Variants in ABCA13 observed in about 807,000 individuals in gnomAD.
The protein encoded by ABCA13 is ATP binding cassette subfamily A member 13, also known as ATP-binding cassette sub-family A member 13.
Under a neutral mutation model 478.7 loss-of-function variants are expected in ABCA13, and 476 were observed. The observed-to-expected ratio is 0.99, with a 90% CI of 0.92 to 1.07. The LOEUF is 1.07. Among genes scored for constraint, ABCA13 ranks in the 50% least tolerant of loss-of-function variants. The pLI, the probability that ABCA13 is intolerant of heterozygous loss-of-function variation, is 0.00. For missense variants in ABCA13, 6,060 were observed against 5,910.6 expected (o/e 1.03, Z -0.83); for synonymous variants, 2,252 against 2,158.9 (o/e 1.04, Z -1.20).
At chr7:48,578,777 A>T (rs1012530879) in intron 55 of ABCA13, among the ~76,000 whole-genome samples, 1 of 152,212 alleles carries the variant, frequency 6.6e-6, no homozygotes, top group Non-Finnish European at 1.5e-5. Flanking sequence ...GAAGACTGAC[A>T]TTACCTGACT....
At chr7:48,632,531 T>A (rs765446786) in intron 59 of ABCA13, among the ~76,000 whole-genome samples, 4 of 152,198 alleles carry the variant, frequency 2.6e-5, no homozygotes, top group Non-Finnish European at 5.9e-5. Context: ...TTTTTCTAAA[T>A]GTTTTATAGT....
chr7:48,210,752 G>T (rs1173413743), intron 3 of ABCA13, among the ~76,000 whole-genome samples: 4 of 151,666 alleles, frequency 2.6e-5, no homozygotes, highest in Non-Finnish European at 5.9e-5. Context: ...TTATTTTGTG[G>T]CCTAATATAT....
At chr7:48,407,028 A>G (rs950604975) in intron 39 of ABCA13, among the ~76,000 whole-genome samples, 3 of 152,170 alleles carry the variant, frequency 2.0e-5, no homozygotes, top group African/African-American at 7.2e-5. Context: ...TTGGAAGTTT[A>G]TTCATTTATT....
intron 36 of ABCA13, 90 bp downstream of exon 36, chr7:48,388,049 CAAGTGTGTG>C: frequency 1.5e-6 from 2 of 1,371,846 alleles, no homozygotes; most frequent in Non-Finnish European, 2.0e-6. Context: ...CCAGCCTTTT[CAAGTGTGTG>C]CTGATTCCTA....
At chr7:48,377,823 A>T (rs1813740325) in intron 35 of ABCA13, among the ~76,000 whole-genome samples, 1 of 152,260 alleles carries the variant, frequency 6.6e-6, no homozygotes, top group Non-Finnish European at 1.5e-5. Flanking sequence ...GCAATTGACT[A>T]TTGAGAAGAA....
Position 48,298,347 on chromosome 7 carries a change from T to C in ABCA13, c.9200-19T>C. On this transcript the variant is annotated intron_variant, in intron 22 of 61. Coordinates refer to ENST00000435803, the MANE Select transcript of ABCA13 (RefSeq NM_152701.5). ...CTAAACCTTTATTACACAAATTTCT[T>C]ATTTTCCTTACTTTGCAGATGTAAA... The C allele has an allele frequency of 6.3e-7, 1 of 1,592,648 alleles. No individual in the cohort carries two copies. The highest frequency in any genetic ancestry group is 1.1e-5 in the South Asian group (1 of 87,276).
At chr7:48,549,151 C>T (rs1312082488) in intron 55 of ABCA13, among the ~76,000 whole-genome samples, 2 of 151,694 alleles carry the variant, frequency 1.3e-5, no homozygotes, top group Non-Finnish European at 2.9e-5. Flanking sequence ...CACCTATTAA[C>T]CTGTCATCTA....
At chr7:48,285,491 A>G (rs1797607357) in intron 19 of ABCA13, among the ~76,000 whole-genome samples, 1 of 152,202 alleles carries the variant, frequency 6.6e-6, no homozygotes, top group South Asian at 2.1e-4. Context: ...AGGCTTCAAG[A>G]CGTGTTAGAT....
rs1215766026 is a variant in ABCA13, at chr7:48,276,290, C to T, written c.6624C>T (p.Ile2208=). ...FSVVQLLFEN[I]LINLINNLAG... ...TTGTTCAGCTGCTTTTTGAAAACAT[C>T]CTAATTAATTTGATCAATAACTTAG... The change falls in exon 17 of 62, where the codon ATC becomes ATT. Residue 2208 remains isoleucine (I), a synonymous_variant. Coordinates refer to ENST00000435803, the MANE Select transcript of ABCA13 (RefSeq NM_152701.5). 2 of 1,561,632 alleles carry T rather than the reference C, an allele frequency of 1.3e-6. No individual in the cohort carries two copies. The highest frequency in any genetic ancestry group is 1.7e-6 in the Non-Finnish European group (2 of 1,152,370).
At chr7:48,189,279 T>C (rs1237448063) in intron 1 of ABCA13, among the ~76,000 whole-genome samples, 1 of 152,116 alleles carries the variant, frequency 6.6e-6, no homozygotes, top group African/African-American at 2.4e-5. Flanking sequence ...TAATGACATA[T>C]AAGAAGAAAA....
At chr7:48,226,342 C>T (rs1270733069) in intron 5 of ABCA13, among the ~76,000 whole-genome samples, 1 of 152,130 alleles carries the variant, frequency 6.6e-6, no homozygotes, top group African/African-American at 2.4e-5. Context: ...GGAAAGAGCT[C>T]ATTCTGGGAG....
intron 55 of ABCA13, among the ~76,000 whole-genome samples, chr7:48,576,427 G>A (rs1033832334): frequency 2.0e-5 from 3 of 152,146 alleles, no homozygotes; most frequent in African/African-American, 7.2e-5. Flanking sequence ...GAAGACAGGG[G>A]AAAAATCCTT....
intron 3 of ABCA13, among the ~76,000 whole-genome samples, chr7:48,203,100 C>CGGTGG (rs1799054168): frequency 6.7e-6 from 1 of 150,072 alleles, no homozygotes; most frequent in East Asian, 2.0e-4. Flanking sequence ...AGCGCAGCGC[C>CGGTGG]GGTGGGCCGG....
At chr7:48,412,987 A>T (rs1294600797) in intron 41 of ABCA13, among the ~76,000 whole-genome samples, 1 of 150,992 alleles carries the variant, frequency 6.6e-6, no homozygotes, top group Non-Finnish European at 1.5e-5. Flanking sequence ...AATTTTTTGT[A>T]TTTTTAGTAG....
chr7:48,432,330 G>A (rs908379905), intron 42 of ABCA13, among the ~76,000 whole-genome samples: 2 of 152,138 alleles, frequency 1.3e-5, no homozygotes, highest in Non-Finnish European at 2.9e-5. Context: ...ACACATGCTG[G>A]TGAGGTTGTC....
At chr7:48,299,309 G>C (rs971071341) in intron 23 of ABCA13, among the ~76,000 whole-genome samples, 5 of 152,142 alleles carry the variant, frequency 3.3e-5, no homozygotes, top group African/African-American at 1.2e-4. Context: ...CTGGTTAATT[G>C]GGGCTTATTG....
chr7:48,451,654 C>T (rs1825053040), intron 42 of ABCA13, among the ~76,000 whole-genome samples: 1 of 152,112 alleles, frequency 6.6e-6, no homozygotes. Flanking sequence ...CTTAATTTTA[C>T]TGACTTGAAA....
At chr7:48,409,707 T>G (rs1181821099) in intron 39 of ABCA13, among the ~76,000 whole-genome samples, 2 of 152,192 alleles carry the variant, frequency 1.3e-5, no homozygotes, top group African/African-American at 4.8e-5. Context: ...CTTAACTCAG[T>G]GCTATGATTT....
At chr7:48,592,146 T>G (rs971527582) in intron 57 of ABCA13, among the ~76,000 whole-genome samples, 3 of 151,848 alleles carry the variant, frequency 2.0e-5, no homozygotes, top group Admixed American at 2.0e-4. Flanking sequence ...ATTAGTTCAT[T>G]TCTTTATCCA....
Sources: gnomAD v4.1 joint callset for allele counts (sites outside exome capture counted in the v4.1 genomes callset) on GRCh38, gnomAD v4.1.1 for gene constraint, MANE v1.5 for transcripts, NCBI Gene and HGNC (gene_info 2026-07-23, HGNC 2026-07-21) for gene names.